Variants in RAD51C observed in about 807,000 individuals in gnomAD.
RAD51C encodes the protein DNA repair protein RAD51 homolog 3.
RAD51C carries 42 observed loss-of-function variants against 45.0 expected under a neutral mutation model. The observed-to-expected ratio is 0.93, with a 90% CI of 0.73 to 1.21. The LOEUF (loss-of-function observed/expected upper bound fraction) is 1.21. Among genes scored for constraint, RAD51C ranks in the 50% most tolerant of loss-of-function variants. RAD51C has a pLI of 0.00. For synonymous variants in RAD51C, 172 were observed against 159.8 expected (o/e 1.08, Z -0.58); for missense variants, 474 against 452.2 (o/e 1.05, Z -0.44).
intron 5 of RAD51C, among the ~76,000 whole-genome samples, chr17:58,718,999 G>C (rs548918089): frequency 7.2e-5 from 11 of 152,220 alleles, no homozygotes; most frequent in African/African-American, 2.6e-4. Context: ...GAGGTGGGTG[G>C]ATCACTTGAG....
At chr17:58,724,133 A>G in intron 7 of RAD51C, 33 bp downstream of exon 7, 2 of 1,561,678 alleles carry the variant, frequency 1.3e-6, no homozygotes, top group Non-Finnish European at 1.8e-6. Flanking sequence ...AACTCCGAAT[A>G]TTGGGTTAAT....
intron 4 of RAD51C, 23 bp downstream of exon 4, chr17:58,703,352 G>T (rs745917131): frequency 1.9e-6 from 3 of 1,601,482 alleles, no homozygotes; most frequent in Non-Finnish European, 2.6e-6. Context: ...CTACTGAAAT[G>T]TAACTAACCA....
At position 58,703,181 on chromosome 17, in the gene RAD51C, G is replaced by A. The variant is rs757896995; in HGVS notation, c.572-15G>A. 5.6e-6 allele frequency: 9 copies of A among 1,609,186 alleles called. No homozygotes were observed. In the Admixed American group the frequency reaches 1.2e-4, roughly 21 times the overall value. ...CAAACAGGTAAAACTAATTAAGAGT[G>A]TTTTGTTGTTTCAGAACACCGAAAA... On this transcript the variant is annotated splice_polypyrimidine_tract_variant and intron_variant, in intron 3 of 8. Transcript: ENST00000337432.
In RAD51C at chr17:58,709,841, T is replaced by C. The variant is rs56401264; in HGVS notation, c.706-18T>C. 5.6e-4 allele frequency: 886 copies of C among 1,594,000 alleles called. 6 individuals carry two copies. In the East Asian group the frequency reaches 0.012, roughly 22 times the overall value. On this transcript the variant is annotated intron_variant, in intron 4 of 8. Transcript: ENST00000337432. ...TTATTTTTCGTAACAAATCTAATAT[T>C]ATCTCTTCTGTATTTAGGTTCGACT...
At chr17:58,720,018 C>T (rs367758487) in intron 5 of RAD51C, among the ~76,000 whole-genome samples, 102 of 149,210 alleles carry the variant, frequency 6.8e-4, no homozygotes, top group African/African-American at 2.2e-3. Context: ...CCTCGTGATT[C>T]GCCCGTCTTG....
chr17:58,693,033 G>A, intron 1 of RAD51C: 1 of 543,516 alleles, frequency 1.8e-6, no homozygotes. Flanking sequence ...ATGCTTTGAG[G>A]ATTGTCTCAT....
intron 7 of RAD51C, among the ~76,000 whole-genome samples, chr17:58,731,409 G>A (rs940337790): frequency 4.6e-5 from 7 of 151,896 alleles, no homozygotes; most frequent in Non-Finnish European, 7.4e-5. Context: ...ACAGGCATGC[G>A]CCACCACACC....
intron 7 of RAD51C, among the ~76,000 whole-genome samples, chr17:58,727,770 A>G (rs1250149589): frequency 6.6e-6 from 1 of 151,986 alleles, no homozygotes; most frequent in African/African-American, 2.4e-5. Context: ...TCTATAGATA[A>G]TAAAAAATTA....
intron 6 of RAD51C, among the ~76,000 whole-genome samples, chr17:58,722,772 C>A (rs1486748063): frequency 6.6e-6 from 1 of 152,182 alleles, no homozygotes; most frequent in African/African-American, 2.4e-5. Flanking sequence ...TTTGCTAGTT[C>A]TGGAATTTGG....
In RAD51C at chr17:58,692,735, G is replaced by A. The variant is rs587781441; in HGVS notation, c.92G>A (p.Gly31Glu). ...GTGCGGGTGAAGCTGGTGTCTGCGG[G>A]GTTCCAGACTGCTGAGGAACTCCTA... Reference protein sequence around the residue: ...PAVRVKLVSAGFQTAEELLEV... With the variant: ...PAVRVKLVSAEFQTAEELLEV... Residue 31 changes from glycine to glutamate, a missense_variant, in exon 1 of 9, where the codon GGG becomes GAG. Gly to Glu is a moderately conservative substitution (Grantham distance 98). Coordinates refer to ENST00000337432, the MANE Select transcript of RAD51C (RefSeq NM_058216.3). 5 of 1,614,230 alleles carry A rather than the reference G, an allele frequency of 3.1e-6. No homozygotes were observed. Among genetic ancestry groups the A allele is most frequent in the East Asian group, 4.5e-5 (2 of 44,888 alleles).
At chr17:58,711,691 G>A in intron 5 of RAD51C, among the ~76,000 whole-genome samples, 1 of 151,760 alleles carries the variant, frequency 6.6e-6, no homozygotes, top group East Asian at 1.9e-4. Flanking sequence ...TCAGAAGGCG[G>A]AGGTTGGGCT....
At chr17:58,714,481 C>T (rs930066209) in intron 5 of RAD51C, among the ~76,000 whole-genome samples, 17 of 152,110 alleles carry the variant, frequency 1.1e-4, no homozygotes, top group South Asian at 2.1e-4. Flanking sequence ...ATCTTTGAGA[C>T]GGAGTCTCGC....
chr17:58,714,234 C>T (rs1287755792), intron 5 of RAD51C, among the ~76,000 whole-genome samples: 1 of 152,154 alleles, frequency 6.6e-6, no homozygotes, highest in African/African-American at 2.4e-5. Context: ...ATCGACCCTC[C>T]TCGGCCTCCC....
At chr17:58,714,893 G>A (rs1409812950) in intron 5 of RAD51C, among the ~76,000 whole-genome samples, 6 of 152,090 alleles carry the variant, frequency 3.9e-5, no homozygotes, top group African/African-American at 1.2e-4. Context: ...GCACAATTCA[G>A]TGATTTTCAG....
intron 6 of RAD51C, among the ~76,000 whole-genome samples, chr17:58,721,947 T>C (rs996611645): frequency 1.3e-5 from 2 of 152,102 alleles, no homozygotes; most frequent in Admixed American, 6.5e-5. Flanking sequence ...TAATAGTCTG[T>C]CATGTTTCTT....
intron 3 of RAD51C, among the ~76,000 whole-genome samples, chr17:58,698,178 AT>A (rs34731311): frequency 0.14 from 16,619 of 116,124 alleles, 948 homozygotes; most frequent in Non-Finnish European, 0.19. Context: ...TGCCCAGCTA[AT>A]TTTTTTTTTT....
At chr17:58,718,666 T>C (rs2048818543) in intron 5 of RAD51C, among the ~76,000 whole-genome samples, 1 of 152,204 alleles carries the variant, frequency 6.6e-6, no homozygotes, top group Non-Finnish European at 1.5e-5. Flanking sequence ...TGTTAATAGC[T>C]GAGTAGCATA....
intron 5 of RAD51C, among the ~76,000 whole-genome samples, chr17:58,719,386 A>G (rs1212962697): frequency 1.3e-5 from 2 of 151,780 alleles, no homozygotes; most frequent in African/African-American, 2.4e-5. Flanking sequence ...CTAATTTTTT[A>G]AAAAGTTTTT....
At chr17:58,728,164 G>A (rs1397841344) in intron 7 of RAD51C, among the ~76,000 whole-genome samples, 1 of 150,928 alleles carries the variant, frequency 6.6e-6, no homozygotes, top group Admixed American at 6.6e-5. Flanking sequence ...AGAATCACTT[G>A]AACCCAGGAG....
Sources: allele counts gnomAD v4.1 joint callset (sites outside exome capture counted in the v4.1 genomes callset), GRCh38; gene constraint gnomAD v4.1.1; transcripts MANE v1.5; gene names NCBI Gene and HGNC (gene_info 2026-07-23, HGNC 2026-07-21).